The following MYOF variants were observed in gnomAD, a reference collection of about 807,000 sequenced individuals.
MYOF encodes fer-1-like 3, myoferlin.
Under a neutral mutation model 284.2 loss-of-function variants are expected in MYOF, and 244 were observed. The ratio of observed to expected loss-of-function variants is 0.86; its 90% CI spans 0.77 to 0.95. MYOF has a LOEUF of 0.95. MYOF is among the 40% of genes least tolerant of loss of function. The pLI, the probability that MYOF is intolerant of heterozygous loss-of-function variation, is 0.00. For synonymous variants in MYOF, 904 were observed against 919.7 expected, an observed-to-expected ratio of 0.98 and a Z score of 0.31; for missense variants, 2,496 against 2,560.6, an observed-to-expected ratio of 0.97 and a Z score of 0.54.
intron 4 of MYOF, among the ~76,000 whole-genome samples, chr10:93,426,592 A>AAAG (rs1161344312): frequency 1.4e-4 from 21 of 152,154 alleles, no homozygotes; most frequent in Non-Finnish European, 2.5e-4. Context: ...GCTTCTTTTT[A>AAAG]AAGAAGAATT....
intron 39 of MYOF, chr10:93,338,547 G>C: frequency 2.2e-6 from 1 of 455,210 alleles, no homozygotes; most frequent in Admixed American, 2.4e-5. Flanking sequence ...ACCTCCAAAA[G>C]TTGTTCTGGA....
At position 93,351,845 on chromosome 10, in the gene MYOF, A is replaced by T; in HGVS notation, c.3483T>A (p.Asp1161Glu). The change falls in exon 33 of 54, where the codon GAT (aspartate) becomes GAA (glutamate). Residue 1161 changes from aspartate (D) to glutamate (E), a missense_variant and splice_region_variant. Physicochemically the swap from Asp to Glu is conservative, Grantham distance 45. This residue lies in a region of MYOF where 2,436 missense variants were observed against 2,480.7 expected (regional missense o/e 0.98). Coordinates refer to ENST00000359263, the MANE Select transcript of MYOF (RefSeq NM_013451.4). ...LLALDKDSFS[D>E]PYAHICFLHR... ...GGAGGAAACAGATATGAGCATATGG[A>T]TCTAAAACAGAAAAAGAGAATAACA... is the stretch of plus-strand genomic sequence containing the variant. 6.3e-7 allele frequency: 1 copy of T among 1,580,900 alleles called. No homozygotes were observed. The highest frequency in any genetic ancestry group is 8.5e-7 in the Non-Finnish European group (1 of 1,172,458).
chr10:93,357,532 A>G (rs936056029), intron 29 of MYOF, among the ~76,000 whole-genome samples: 4 of 152,222 alleles, frequency 2.6e-5, no homozygotes, highest in Admixed American at 6.5e-5. Context: ...TGCAGCTGAC[A>G]TTTTCATGGC....
chr10:93,404,011 G>A lies in MYOF; in HGVS notation c.843+12C>T, dbSNP rs961159415. 1 of 1,612,748 alleles carries A rather than the reference G, an allele frequency of 6.2e-7. No individual in the cohort carries two copies. ...TTCTGTAAGTTGAATGAAGCAGACT[G>A]TTGTCACTCACCTTAAATTCCCCCA... On this transcript the variant is annotated intron_variant, in intron 9 of 53. Coordinates refer to ENST00000359263, the MANE Select transcript of MYOF (RefSeq NM_013451.4).
At chr10:93,473,157 G>A (rs2057188102) in intron 1 of MYOF, among the ~76,000 whole-genome samples, 1 of 152,174 alleles carries the variant, frequency 6.6e-6, no homozygotes, top group Non-Finnish European at 1.5e-5. Context: ...CAGAAAGAAG[G>A]GGGTTCTTTT....
intron 19 of MYOF, among the ~76,000 whole-genome samples, chr10:93,382,050 T>C (rs1846146460): frequency 1.3e-5 from 2 of 152,084 alleles, no homozygotes; most frequent in South Asian, 4.2e-4. Context: ...AAAGAGAGTA[T>C]ATTTTAAGTA....
chr10:93,325,985 T>G lies in MYOF; in HGVS notation c.5132-20A>C, dbSNP rs920576807. 1 of 1,613,840 alleles carries G rather than the reference T, an allele frequency of 6.2e-7. No homozygotes were observed. The highest frequency in any genetic ancestry group is 1.3e-5 in the African/African-American group (1 of 75,004). On this transcript the variant is annotated intron_variant, in intron 45 of 53. Transcript: ENST00000359263. The stretch of plus-strand genomic sequence containing the variant: ...TGGCTTCTGCAATGGAAAGCAGCAT[T>G]GAAGCAGGAATGAGTATTTGGGAAT...
intron 1 of MYOF, among the ~76,000 whole-genome samples, chr10:93,476,245 CTT>C (rs67108011): frequency 0.36 from 23,055 of 64,230 alleles, 3,493 homozygotes; most frequent in South Asian, 0.46. Flanking sequence ...CTTCCCCATT[CTT>C]TTTTTTTTTT....
chr10:93,360,115 C>T (rs1247734393), intron 28 of MYOF, 137 bp from the exon 29 acceptor site: 10 of 1,098,772 alleles, frequency 9.1e-6, no homozygotes, highest in African/African-American at 1.6e-5. Flanking sequence ...TGGCTGTTTT[C>T]ACTTTGCTGG....
rs1564640830 is a variant in MYOF, at chr10:93,351,670, G to A, written c.3658C>T (p.Gln1220Ter). 1 of 1,586,010 alleles carries A rather than the reference G, an allele frequency of 6.3e-7. No homozygotes were observed. The highest frequency in any genetic ancestry group is 8.6e-7 in the Non-Finnish European group (1 of 1,167,698). The change falls in exon 33 of 54, where the codon CAA (glutamine) becomes TAA (stop). Residue 1220 changes from glutamine to a stop codon, truncating the protein, a stop_gained. Coordinates refer to ENST00000359263, the MANE Select transcript of MYOF (RefSeq NM_013451.4). LOFTEE classifies it high-confidence loss of function. ...AGAAATTCTAAACGACCTACCACTT[G>A]GTCATTGTCAAAAAGTTCCATGATA... is the stretch of plus-strand genomic sequence containing the variant. ...KVIMELFDND[Q>*]VGKDEFLGRS...
chr10:93,406,471 T>G (rs1362613271), intron 7 of MYOF, among the ~76,000 whole-genome samples: 1 of 151,048 alleles, frequency 6.6e-6, no homozygotes, highest in Non-Finnish European at 1.5e-5. Context: ...GCTGGGCTCC[T>G]GGGAATGCAG....
chr10:93,399,686 A>G (rs1453050497), intron 12 of MYOF, among the ~76,000 whole-genome samples, 191 bp from the exon 13 acceptor site: 1 of 152,230 alleles, frequency 6.6e-6, no homozygotes, highest in East Asian at 1.9e-4. Context: ...ATCCTGGTCA[A>G]CATGGTGAAA....
intron 38 of MYOF, among the ~76,000 whole-genome samples, chr10:93,340,403 A>G (rs1026869339): frequency 3.3e-5 from 5 of 152,240 alleles, no homozygotes; most frequent in African/African-American, 1.2e-4. Flanking sequence ...GGTTACACAC[A>G]GTATTATAAT....
intron 1 of MYOF, among the ~76,000 whole-genome samples, chr10:93,465,084 T>C (rs2041006154): frequency 6.6e-6 from 1 of 152,198 alleles, no homozygotes; most frequent in Non-Finnish European, 1.5e-5. Context: ...TCACTTAATC[T>C]TCACAACTCT....
intron 29 of MYOF, 88 bp downstream of exon 29, chr10:93,359,745 A>T: frequency 6.4e-7 from 1 of 1,555,816 alleles, no homozygotes; most frequent in Non-Finnish European, 8.7e-7. Flanking sequence ...TTTGCAAATA[A>T]TTTCTGCAGA....
chr10:93,442,994 G>C (rs1005240146), intron 3 of MYOF, among the ~76,000 whole-genome samples: 2 of 151,132 alleles, frequency 1.3e-5, no homozygotes, highest in Non-Finnish European at 3.0e-5. Context: ...CCCCGTCTCT[G>C]GTAAAAAAAA....
intron 48 of MYOF, among the ~76,000 whole-genome samples, 183 bp from the exon 49 acceptor site, chr10:93,320,196 A>T (rs1374223408): frequency 6.6e-6 from 1 of 152,254 alleles, no homozygotes; most frequent in African/African-American, 2.4e-5. Flanking sequence ...CATCCAACAC[A>T]GGTTGTGGCC....
chr10:93,380,109 G>T lies in MYOF; in HGVS notation c.1877-122C>A, dbSNP rs55947535. ...CAGGCTTGGGGAATAGCTTGAGGTG[G>T]TCTGGTTCTTTAATTTGACTCAATT... On this transcript the variant is annotated intron_variant, in intron 20 of 53. Transcript: ENST00000359263. 3.1e-3 allele frequency: 3,821 copies of T among 1,240,302 alleles called. 8 individuals carry two copies. Among genetic ancestry groups the T allele is most frequent in the Non-Finnish European group, 3.0e-3 (2,760 of 915,164 alleles). 76.8% of individuals were successfully genotyped at this position (1,240,302 alleles called of 1,614,324 possible).
intron 1 of MYOF, among the ~76,000 whole-genome samples, chr10:93,472,589 A>G (rs1382486691): frequency 6.6e-6 from 1 of 152,188 alleles, no homozygotes; most frequent in Non-Finnish European, 1.5e-5. Flanking sequence ...CAGTGAGCCA[A>G]GATGGCGCCA....
Sources: gnomAD v4.1 joint callset for allele counts (sites outside exome capture counted in the v4.1 genomes callset) on GRCh38, gnomAD v4.1.1 for gene constraint, gnomAD v4.1.1 regional missense constraint, MANE v1.5 for transcripts, NCBI Gene and HGNC (gene_info 2026-07-23, HGNC 2026-07-21) for gene names.